Variants in CTNNA2 observed in about 807,000 individuals in gnomAD.
CTNNA2 encodes catenin alpha 2, also known as catenin alpha-2.
Under a neutral mutation model 101.0 loss-of-function variants are expected in CTNNA2, and 42 were observed. The observed-to-expected ratio is 0.42, with a 90% confidence interval of 0.32 to 0.54. The LOEUF is 0.54. Among genes scored for constraint, CTNNA2 ranks in the 20% least tolerant of loss-of-function variants. The pLI, the probability that CTNNA2 is intolerant of heterozygous loss-of-function variation, is 0.14. For missense variants in CTNNA2, 871 were observed against 1,223.1 expected, an observed-to-expected ratio of 0.71 and a Z score of 4.29; for synonymous variants, 450 against 456.4, an observed-to-expected ratio of 0.99 and a Z score of 0.18.
chr2:80,491,182 G>A (rs779769667), intron 9 of CTNNA2, among the ~76,000 whole-genome samples: 5 of 152,172 alleles, frequency 3.3e-5, no homozygotes, highest in Non-Finnish European at 7.3e-5. Flanking sequence ...ACACAGCAGC[G>A]AGGCAAACTG....
intron 7 of CTNNA2, among the ~76,000 whole-genome samples, chr2:80,219,080 C>A (rs993008356): frequency 1.3e-5 from 2 of 151,816 alleles, no homozygotes; most frequent in Non-Finnish European, 2.9e-5. Flanking sequence ...TTTTCAAGAG[C>A]TAAAGAAAGA....
intron 7 of CTNNA2, among the ~76,000 whole-genome samples, chr2:80,306,781 C>A (rs1237127634): frequency 6.7e-6 from 1 of 149,270 alleles, no homozygotes; most frequent in South Asian, 2.1e-4. Context: ...ACCACCCAAT[C>A]CCTAGGGTTG....
chr2:79,378,350 T>C (rs6720349), intron 4 of CTNNA2, among the ~76,000 whole-genome samples: 114,885 of 152,022 alleles, frequency 0.76, 43,624 homozygotes, highest in South Asian at 0.83. Flanking sequence ...GAGCTTCAGA[T>C]GTAATATATG....
intron 12 of CTNNA2, among the ~76,000 whole-genome samples, chr2:80,566,195 A>G (rs1694047803): frequency 6.6e-6 from 1 of 152,230 alleles, no homozygotes; most frequent in African/African-American, 2.4e-5. Context: ...TCTTTAGAGC[A>G]GCTTACAACA....
At position 80,419,637 on chromosome 2, in the gene CTNNA2, G is replaced by A. The variant is rs750035738; in HGVS notation, c.1290+36G>A. The A allele has an allele frequency of 4.5e-5, 72 of 1,608,110 alleles. No individual in the cohort carries two copies. In the East Asian group the frequency reaches 5.8e-4, roughly 13 times the overall value. The stretch of plus-strand genomic sequence containing the variant: ...AGGGGCCTGAAGACTAGAGTTTACC[G>A]ATGGGTTCAATCTCTGCATATGGCT... On this transcript the variant is annotated intron_variant, in intron 9 of 18. Coordinates refer to ENST00000402739, the MANE Select transcript of CTNNA2 (RefSeq NM_001282597.3).
intron 6 of CTNNA2, among the ~76,000 whole-genome samples, chr2:79,889,829 T>C (rs1159421305): frequency 6.6e-6 from 1 of 152,158 alleles, no homozygotes; most frequent in Non-Finnish European, 1.5e-5. Flanking sequence ...AGAGTAGCTA[T>C]TGATATTATA....
At chr2:79,551,127 G>GA (rs901940001) in intron 1 of CTNNA2, among the ~76,000 whole-genome samples, 4 of 152,060 alleles carry the variant, frequency 2.6e-5, no homozygotes, top group African/African-American at 9.7e-5. Flanking sequence ...GCAAACCAAA[G>GA]AAAAAAACTG....
chr2:79,609,239 T>G (rs1166580423), intron 1 of CTNNA2, among the ~76,000 whole-genome samples: 1 of 151,912 alleles, frequency 6.6e-6, no homozygotes, highest in Non-Finnish European at 1.5e-5. Flanking sequence ...CCAATATTAT[T>G]AAGCTGTTAA....
chr2:80,202,905 GACTT>G (rs1707294183), intron 7 of CTNNA2, among the ~76,000 whole-genome samples: 1 of 152,132 alleles, frequency 6.6e-6, no homozygotes, highest in Admixed American at 6.5e-5. Flanking sequence ...GAGGTTTATG[GACTT>G]ACAGTTCCAC....
intron 9 of CTNNA2, among the ~76,000 whole-genome samples, chr2:80,441,640 G>T (rs1313030821): frequency 6.6e-6 from 1 of 152,112 alleles, no homozygotes; most frequent in Non-Finnish European, 1.5e-5. Flanking sequence ...AAGATATTAG[G>T]TTCTATAGCT....
At chr2:79,382,043 G>C (rs1230664882) in intron 4 of CTNNA2, among the ~76,000 whole-genome samples, 2 of 152,126 alleles carry the variant, frequency 1.3e-5, no homozygotes, top group African/African-American at 4.8e-5. Context: ...TGAATGAGTA[G>C]ACTGAGTAAA....
intron 5 of CTNNA2, 120 bp from the exon 6 acceptor site, chr2:79,873,956 A>G: frequency 1.4e-6 from 2 of 1,449,986 alleles, no homozygotes; most frequent in Admixed American, 2.4e-5. Context: ...GGCAGCTAGA[A>G]ACAGCACAAG....
chr2:80,521,970 A>G (rs755041492), intron 9 of CTNNA2, among the ~76,000 whole-genome samples: 11 of 152,188 alleles, frequency 7.2e-5, no homozygotes, highest in African/African-American at 2.7e-4. Flanking sequence ...AGAGAGGGAG[A>G]TCAAAAAATG....
At chr2:80,445,729 C>T (rs1292198363) in intron 9 of CTNNA2, among the ~76,000 whole-genome samples, 1 of 152,154 alleles carries the variant, frequency 6.6e-6, no homozygotes, top group African/African-American at 2.4e-5. Context: ...GACATTGTTG[C>T]TATAGTCAGT....
intron 2 of CTNNA2, among the ~76,000 whole-genome samples, chr2:79,274,744 T>G (rs1389261445): frequency 1.3e-5 from 2 of 152,064 alleles, no homozygotes; most frequent in Non-Finnish European, 2.9e-5. Flanking sequence ...GGTTTTCTAT[T>G]ATATAGATTT....
At chr2:79,393,459 A>G (rs940930331) in intron 4 of CTNNA2, among the ~76,000 whole-genome samples, 5 of 152,036 alleles carry the variant, frequency 3.3e-5, no homozygotes, top group Admixed American at 3.3e-4. Flanking sequence ...CTCACACTAC[A>G]CTGGCAGAAT....
At chr2:79,476,727 C>T (rs1014688451) in intron 4 of CTNNA2, among the ~76,000 whole-genome samples, 3 of 152,302 alleles carry the variant, frequency 2.0e-5, no homozygotes, top group East Asian at 1.9e-4. Flanking sequence ...CTCCTGTCTG[C>T]AGTTTCTTCA....
rs148794327 is a variant in CTNNA2, at chr2:80,473,810, G to T, written c.1290+54209G>T. ...CAGTAAAGGGCCTTTAATTTTTCTAGCCTGGGGGTCCCTGACTGGCTGCTC... is the reference window on the plus strand; with the variant it reads ...CAGTAAAGGGCCTTTAATTTTTCTATCCTGGGGGTCCCTGACTGGCTGCTC... On this transcript the variant is annotated intron_variant, in intron 9 of 18. Coordinates refer to ENST00000402739, the MANE Select transcript of CTNNA2 (RefSeq NM_001282597.3). Among the ~76,000 whole-genome samples the T allele has an allele frequency of 1.4e-3, 210 of 152,280 alleles. 1 individual carries two copies. Among genetic ancestry groups the T allele is most frequent in the African/African-American group, 4.8e-3 (200 of 41,558 alleles).
intron 4 of CTNNA2, among the ~76,000 whole-genome samples, chr2:79,504,450 C>T (rs766081664): frequency 1.3e-4 from 20 of 152,012 alleles, no homozygotes; most frequent in African/African-American, 1.2e-4. Flanking sequence ...CTACCACACA[C>T]GGTTAATTTT....
Sources: gnomAD v4.1 joint callset for allele counts (sites outside exome capture counted in the v4.1 genomes callset) on GRCh38, gnomAD v4.1.1 for gene constraint, MANE v1.5 for transcripts, NCBI Gene and HGNC (gene_info 2026-07-23, HGNC 2026-07-21) for gene names.